Variants in NRXN3 observed in about 807,000 individuals in gnomAD.
The protein encoded by NRXN3 is neurexin 3, also known as neurexin III.
Under a neutral mutation model 137.6 loss-of-function variants are expected in NRXN3, and 32 were observed. The observed-to-expected ratio is 0.23, with a 90% CI of 0.18 to 0.31. The LOEUF is 0.31. NRXN3 is among the 10% of genes least tolerant of loss of function. The probability of loss-of-function intolerance (pLI) is 1.00; values close to 1 mark genes in which losing one functional copy is unlikely to be tolerated. For synonymous variants in NRXN3, 798 were observed against 784.5 expected (o/e 1.02, Z -0.29); for missense variants, 1,574 against 2,062.5 (o/e 0.76, Z 4.59).
chr14:79,407,874 G>C (rs1011656395), intron 15 of NRXN3, among the ~76,000 whole-genome samples: 1 of 151,958 alleles, frequency 6.6e-6, no homozygotes. Context: ...ATGGAACTTC[G>C]GGTGTTCATT....
At chr14:79,213,023 A>AT (rs545586467) in intron 15 of NRXN3, among the ~76,000 whole-genome samples, 1 of 151,974 alleles carries the variant, frequency 6.6e-6, no homozygotes, top group South Asian at 2.1e-4. Context: ...GATACAATAT[A>AT]TTTTTTTCGG....
At chr14:78,414,369 G>T (rs934846931) in intron 4 of NRXN3, among the ~76,000 whole-genome samples, 1 of 152,120 alleles carries the variant, frequency 6.6e-6, no homozygotes, top group Non-Finnish European at 1.5e-5. Context: ...TGGTTGTTGT[G>T]CACACTGTCC....
At chr14:79,035,775 C>T (rs536529278) in intron 15 of NRXN3, among the ~76,000 whole-genome samples, 17 of 152,080 alleles carry the variant, frequency 1.1e-4, no homozygotes, top group Non-Finnish European at 2.2e-4. Flanking sequence ...TTTCATCCCT[C>T]TACTTCTATA....
chr14:78,310,003 A>C (rs557424754), intron 4 of NRXN3, among the ~76,000 whole-genome samples: 1 of 152,268 alleles, frequency 6.6e-6, no homozygotes, highest in Non-Finnish European at 1.5e-5. Context: ...TGCAATTTTA[A>C]AGATACTAGT....
chr14:79,856,050 T>C (rs1259571863), intron 20 of NRXN3, among the ~76,000 whole-genome samples: 1 of 152,232 alleles, frequency 6.6e-6, no homozygotes, highest in Non-Finnish European at 1.5e-5. Flanking sequence ...GTGGCTCATC[T>C]TATTGTTGAA....
chr14:79,248,309 A>G (rs991103885), intron 15 of NRXN3, among the ~76,000 whole-genome samples: 2 of 152,004 alleles, frequency 1.3e-5, no homozygotes, highest in African/African-American at 2.4e-5. Context: ...GCCATACCCC[A>G]TGACTTACAA....
At chr14:79,533,197 A>T (rs956926670) in intron 16 of NRXN3, among the ~76,000 whole-genome samples, 1 of 152,072 alleles carries the variant, frequency 6.6e-6, no homozygotes, top group African/African-American at 2.4e-5. Context: ...CAGATGAGAA[A>T]ACTGAGAGAG....
At chr14:79,563,887 G>A (rs1427249999) in intron 16 of NRXN3, among the ~76,000 whole-genome samples, 1 of 151,842 alleles carries the variant, frequency 6.6e-6, no homozygotes, top group Non-Finnish European at 1.5e-5. Flanking sequence ...GTAAATAGCT[G>A]GGTCTTATTG....
chr14:78,415,586 C>T (rs2093088881), intron 4 of NRXN3, among the ~76,000 whole-genome samples: 1 of 152,128 alleles, frequency 6.6e-6, no homozygotes, highest in Admixed American at 6.5e-5. Flanking sequence ...TTGTCTAACC[C>T]AGATTCTTAC....
chr14:78,499,251 G>T, intron 4 of NRXN3, among the ~76,000 whole-genome samples: 1 of 151,726 alleles, frequency 6.6e-6, no homozygotes, highest in East Asian at 1.9e-4. Context: ...GCACAGGCCT[G>T]GCACAGATAA....
intron 16 of NRXN3, among the ~76,000 whole-genome samples, chr14:79,618,074 C>G (rs1443157342): frequency 6.6e-6 from 1 of 151,950 alleles, no homozygotes; most frequent in Non-Finnish European, 1.5e-5. Flanking sequence ...TTGAAGACTT[C>G]TTTGTAGTCT....
At chr14:79,040,319 G>A (rs2099623078) in intron 15 of NRXN3, among the ~76,000 whole-genome samples, 1 of 152,194 alleles carries the variant, frequency 6.6e-6, no homozygotes, top group African/African-American at 2.4e-5. Context: ...AGCTCTTAGA[G>A]TGACAGAAAT....
rs142623479 is a variant in NRXN3 at position 79,829,792 on chromosome 14, C to T, written c.4093+24602C>T. ...AACATCATCTATACATCCAGTCTACCGTGGCCACTGAATCCAATGACTTTT... is the reference window on the plus strand; with the variant it reads ...AACATCATCTATACATCCAGTCTACTGTGGCCACTGAATCCAATGACTTTT... On this transcript the variant is annotated intron_variant, in intron 20 of 20. Transcript: ENST00000335750. Among the ~76,000 whole-genome samples the T allele has an allele frequency of 9.1e-3, 1,379 of 151,734 alleles. 19 individuals carry two copies. The highest frequency in any genetic ancestry group is 0.031 in the African/African-American group (1,305 of 41,502).
intron 19 of NRXN3, among the ~76,000 whole-genome samples, chr14:79,791,665 G>A (rs1259865747): frequency 6.6e-6 from 1 of 151,692 alleles, no homozygotes; most frequent in Non-Finnish European, 1.5e-5. Flanking sequence ...GCCACCTTAT[G>A]GGCACAAGCT....
intron 6 of NRXN3, among the ~76,000 whole-genome samples, chr14:78,686,738 A>G (rs1490784966): frequency 6.6e-6 from 1 of 152,216 alleles, no homozygotes; most frequent in East Asian, 1.9e-4. Context: ...AAAGACTTGA[A>G]CACCCCAAGG....
intron 8 of NRXN3, among the ~76,000 whole-genome samples, chr14:78,778,736 CTCTT>C (rs1414468667): frequency 4.2e-5 from 4 of 94,924 alleles, no homozygotes; most frequent in South Asian, 3.3e-4. Context: ...CTTTCTCTCT[CTCTT>C]TCTTTCTTTC....
intron 4 of NRXN3, among the ~76,000 whole-genome samples, chr14:78,324,271 G>C (rs1455203553): frequency 6.6e-6 from 1 of 152,078 alleles, no homozygotes; most frequent in East Asian, 1.9e-4. Flanking sequence ...ACACTGCAAA[G>C]TGTCTATGGT....
At chr14:79,355,250 T>C (rs10140157) in intron 15 of NRXN3, among the ~76,000 whole-genome samples, 132,451 of 148,476 alleles carry the variant, frequency 0.89, 59,023 homozygotes, top group Admixed American at 0.94. Context: ...GGCTTTTCTG[T>C]CCCCCACCCC....
intron 16 of NRXN3, among the ~76,000 whole-genome samples, chr14:79,608,258 G>A (rs1353540058): frequency 1.3e-5 from 2 of 152,198 alleles, no homozygotes. Flanking sequence ...AAAGGGGAGA[G>A]TTTCAGAATT....
Sources: gnomAD v4.1 joint callset for allele counts (sites outside exome capture counted in the v4.1 genomes callset) on GRCh38, gnomAD v4.1.1 for gene constraint, MANE v1.5 for transcripts, NCBI Gene and HGNC (gene_info 2026-07-23, HGNC 2026-07-21) for gene names.